Variants in ST6GALNAC5 observed in about 807,000 individuals in gnomAD.
The protein encoded by ST6GALNAC5 is alpha-N-acetylgalactosaminide alpha-2,6-sialyltransferase 5.
Under a neutral mutation model 33.6 loss-of-function variants are expected in ST6GALNAC5, and 27 were observed. That is an observed-to-expected ratio of 0.80 (90% CI 0.59 to 1.11). ST6GALNAC5 has a LOEUF of 1.11. Among genes scored for constraint, ST6GALNAC5 ranks in the 50% least tolerant of loss-of-function variants. The probability of loss-of-function intolerance (pLI) is 0.00; values close to 1 mark genes in which losing one functional copy is unlikely to be tolerated. For missense variants in ST6GALNAC5, 428 were observed against 454.0 expected, an observed-to-expected ratio of 0.94 and a Z score of 0.52; for synonymous variants, 194 against 171.2, an observed-to-expected ratio of 1.13 and a Z score of -1.04.
chr1:76,962,854 T>C (rs974940596), intron 2 of ST6GALNAC5, among the ~76,000 whole-genome samples: 2 of 152,188 alleles, frequency 1.3e-5, no homozygotes, highest in Non-Finnish European at 2.9e-5. Flanking sequence ...CATTAGTATA[T>C]TCTATTGACT....
At chr1:76,904,213 A>G (rs1035003999) in intron 2 of ST6GALNAC5, among the ~76,000 whole-genome samples, 1 of 152,154 alleles carries the variant, frequency 6.6e-6, no homozygotes, top group Non-Finnish European at 1.5e-5. Context: ...AGAAGGGTGA[A>G]AGTCTACTAC....
intron 2 of ST6GALNAC5, among the ~76,000 whole-genome samples, chr1:76,914,234 G>T (rs183497685): frequency 6.6e-6 from 1 of 152,144 alleles, no homozygotes; most frequent in African/African-American, 2.4e-5. Flanking sequence ...TGGGTAGGAA[G>T]AATCAATATC....
At chr1:77,059,004 G>A (rs1652489167) in intron 4 of ST6GALNAC5, among the ~76,000 whole-genome samples, 1 of 152,180 alleles carries the variant, frequency 6.6e-6, no homozygotes, top group African/African-American at 2.4e-5. Flanking sequence ...ATCTCAAGGA[G>A]CTTTCCACCA....
At chr1:76,916,710 AC>A (rs150667859) in intron 2 of ST6GALNAC5, among the ~76,000 whole-genome samples, 3,337 of 152,124 alleles carry the variant, frequency 0.022, 105 homozygotes, top group African/African-American at 0.075. Context: ...TTAAAAAAAA[AC>A]GATTGTGTTT....
chr1:77,018,157 G>GA (rs1650920649), intron 2 of ST6GALNAC5, among the ~76,000 whole-genome samples: 1 of 152,060 alleles, frequency 6.6e-6, no homozygotes, highest in Non-Finnish European at 1.5e-5. Context: ...ACAAAATAAA[G>GA]AAAAAAGAAA....
At chr1:76,883,874 A>G (rs1653838557) in intron 2 of ST6GALNAC5, among the ~76,000 whole-genome samples, 1 of 152,244 alleles carries the variant, frequency 6.6e-6, no homozygotes, top group Non-Finnish European at 1.5e-5. Context: ...CATGAAACTT[A>G]TATCTGTTGG....
chr1:76,874,981 C>T (rs1276041545), intron 2 of ST6GALNAC5, among the ~76,000 whole-genome samples: 7 of 152,158 alleles, frequency 4.6e-5, no homozygotes, highest in Non-Finnish European at 7.4e-5. Context: ...AATACTATTA[C>T]AAAAAGTTAT....
At chr1:76,924,351 G>C (rs1435864637) in intron 2 of ST6GALNAC5, among the ~76,000 whole-genome samples, 2 of 152,142 alleles carry the variant, frequency 1.3e-5, no homozygotes, top group Non-Finnish European at 2.9e-5. Context: ...CTGGAGAGCA[G>C]ATCCATTTTG....
intron 2 of ST6GALNAC5, among the ~76,000 whole-genome samples, chr1:77,002,228 T>C (rs1182808808): frequency 6.6e-6 from 1 of 152,214 alleles, no homozygotes; most frequent in African/African-American, 2.4e-5. Flanking sequence ...GGAGAGTGTA[T>C]GTGTCGAGGA....
In ST6GALNAC5 at chr1:77,044,191, C is replaced by T. The variant is rs751668762; in HGVS notation, c.262-13C>T. On this transcript the variant is annotated splice_polypyrimidine_tract_variant and intron_variant, in intron 2 of 4. Transcript: ENST00000477717. ...TTTGCCCCTGACAGTGTCCTTCTCC[C>T]CCTGCCTTCCAGCCCCTGAAAATGC... 8 of 1,583,382 alleles carry T rather than the reference C, an allele frequency of 5.1e-6. No individual in the cohort carries two copies. The highest frequency in any genetic ancestry group is 6.0e-6 in the Non-Finnish European group (7 of 1,161,638).
chr1:76,874,508 G>C (rs1210331008), intron 2 of ST6GALNAC5, among the ~76,000 whole-genome samples: 1 of 152,168 alleles, frequency 6.6e-6, no homozygotes, highest in Non-Finnish European at 1.5e-5. Flanking sequence ...CTGCAAGCTT[G>C]AGGAGCAAGG....
At chr1:76,984,021 G>A (rs1279824254) in intron 2 of ST6GALNAC5, among the ~76,000 whole-genome samples, 1 of 152,206 alleles carries the variant, frequency 6.6e-6, no homozygotes, top group African/African-American at 2.4e-5. Flanking sequence ...AGTGTGTAGA[G>A]GGAAATTTAT....
chr1:77,030,030 G>A (rs779580153), intron 2 of ST6GALNAC5, among the ~76,000 whole-genome samples: 2 of 152,140 alleles, frequency 1.3e-5, no homozygotes, highest in Non-Finnish European at 2.9e-5. Context: ...CTGAATTCTA[G>A]GCTGTTCCAT....
rs992491771 is a variant in ST6GALNAC5 at position 77,066,290 on chromosome 1, G to A, written c.*3084G>A. Among the ~76,000 whole-genome samples, 7 of 151,968 alleles carry A rather than the reference G, an allele frequency of 4.6e-5. No individual in the cohort carries two copies. The highest frequency in any genetic ancestry group is 1.4e-4 in the African/African-American group (6 of 41,382). ...AAAATAGATGAAAGCAAAACACAAC[G>A]TATTGTACCTAAAAGAGAAATTTGT... On this transcript the variant is annotated 3_prime_UTR_variant, in exon 5 of 5. Transcript: ENST00000477717.
At chr1:76,958,093 C>T (rs1648077029) in intron 2 of ST6GALNAC5, among the ~76,000 whole-genome samples, 1 of 152,192 alleles carries the variant, frequency 6.6e-6, no homozygotes, top group African/African-American at 2.4e-5. Context: ...GCTGTCTACT[C>T]TGGTTGCCTG....
chr1:76,992,006 A>T (rs1454253745), intron 2 of ST6GALNAC5, among the ~76,000 whole-genome samples: 1 of 152,144 alleles, frequency 6.6e-6, no homozygotes, highest in Admixed American at 6.5e-5. Flanking sequence ...AAATTTCTTC[A>T]GTGTTTTCTA....
chr1:76,989,986 A>G (rs1649660444), intron 2 of ST6GALNAC5, among the ~76,000 whole-genome samples: 1 of 152,182 alleles, frequency 6.6e-6, no homozygotes, highest in Non-Finnish European at 1.5e-5. Context: ...TTCTTCCCAG[A>G]AGAATTCAGT....
intron 2 of ST6GALNAC5, among the ~76,000 whole-genome samples, chr1:77,043,858 T>A (rs555847127): frequency 1.3e-5 from 2 of 152,262 alleles, no homozygotes; most frequent in South Asian, 4.1e-4. Context: ...TTGGACAAAT[T>A]TGTTAACATC....
chr1:76,869,453 G>C (rs1326213467), intron 2 of ST6GALNAC5, among the ~76,000 whole-genome samples: 1 of 152,088 alleles, frequency 6.6e-6, no homozygotes, highest in African/African-American at 2.4e-5. Context: ...TGAAGCCTCT[G>C]GGAGAATCCT....
Sources: allele counts gnomAD v4.1 joint callset (sites outside exome capture counted in the v4.1 genomes callset), GRCh38; gene constraint gnomAD v4.1.1; transcripts MANE v1.5; gene names NCBI Gene and HGNC (gene_info 2026-07-23, HGNC 2026-07-21).